CAPZB: variants seen among roughly 807,000 people sequenced by gnomAD.
The protein encoded by CAPZB is F-actin-capping protein subunit beta.
CAPZB carries 2 observed loss-of-function variants against 38.1 expected under a neutral mutation model. The ratio of observed to expected loss-of-function variants is 0.05; its 90% CI spans 0.02 to 0.17. CAPZB has a LOEUF of 0.17. Among genes scored for constraint, CAPZB ranks in the 10% least tolerant of loss-of-function variants. The pLI, the probability that CAPZB is intolerant of heterozygous loss-of-function variation, is 1.00. For missense variants in CAPZB, 161 were observed against 334.2 expected, an observed-to-expected ratio of 0.48 and a Z score of 4.04; for synonymous variants, 107 against 127.4, an observed-to-expected ratio of 0.84 and a Z score of 1.08.
In CAPZB at chr1:19,452,221, T is replaced by G. The variant is rs144693084; in HGVS notation, c.4-32471A>C. ...CTTCCTGCCAGGCTTCTGCATGTAC[T>G]ATTCCTTCTGCCTGGACTGCCACCC... On this transcript the variant is annotated intron_variant, in intron 1 of 8. Transcript: ENST00000264202. Among the ~76,000 whole-genome samples the G allele has an allele frequency of 4.3e-3, 661 of 152,156 alleles. 12 individuals are homozygous for G. The highest frequency in any genetic ancestry group is 0.015 in the African/African-American group (639 of 41,506).
intron 1 of CAPZB, among the ~76,000 whole-genome samples, chr1:19,441,796 T>G (rs1210895401): frequency 6.6e-6 from 1 of 151,408 alleles, no homozygotes; most frequent in Non-Finnish European, 1.5e-5. Flanking sequence ...TCACCTAAGG[T>G]CAGGAGTTCG....
chr1:19,342,998 G>C (rs888013064), intron 8 of CAPZB: 1 of 675,920 alleles, frequency 1.5e-6, no homozygotes, highest in Admixed American at 2.1e-5. Context: ...TGGCGGCTCT[G>C]GGGTGTGGAG....
At chr1:19,435,967 A>G (rs1262361198) in intron 1 of CAPZB, among the ~76,000 whole-genome samples, 2 of 152,184 alleles carry the variant, frequency 1.3e-5, no homozygotes, top group East Asian at 3.9e-4. Flanking sequence ...GGAAAGCAAG[A>G]TTGTCTGCAT....
At chr1:19,395,473 A>G (rs769947495) in intron 2 of CAPZB, among the ~76,000 whole-genome samples, 3 of 152,188 alleles carry the variant, frequency 2.0e-5, no homozygotes, top group Non-Finnish European at 4.4e-5. Context: ...CAAACCCCAA[A>G]GCTTTGCCCT....
intron 8 of CAPZB, among the ~76,000 whole-genome samples, chr1:19,339,841 G>T (rs2093918366): frequency 6.6e-6 from 1 of 152,220 alleles, no homozygotes; most frequent in Non-Finnish European, 1.5e-5. Context: ...CTGTGGGGGT[G>T]GCATATGGCT....
At chr1:19,472,175 C>T (rs1045155310) in intron 1 of CAPZB, among the ~76,000 whole-genome samples, 1 of 152,176 alleles carries the variant, frequency 6.6e-6, no homozygotes, top group African/African-American at 2.4e-5. Flanking sequence ...TAAGAAAATG[C>T]GAGGCCTGTT....
chr1:19,460,271 T>G (rs1175530973), intron 1 of CAPZB, among the ~76,000 whole-genome samples: 1 of 151,910 alleles, frequency 6.6e-6, no homozygotes, highest in African/African-American at 2.4e-5. Context: ...ACAGTATTGG[T>G]TTTTTGTTTG....
intron 1 of CAPZB, among the ~76,000 whole-genome samples, chr1:19,472,047 T>A (rs558923066): frequency 4.1e-4 from 63 of 152,270 alleles, no homozygotes; most frequent in African/African-American, 1.4e-3. Flanking sequence ...CCATGGGCCA[T>A]CAGCACACAG....
chr1:19,409,248 CCAGT>C (rs1408146489), intron 2 of CAPZB, among the ~76,000 whole-genome samples: 3 of 151,980 alleles, frequency 2.0e-5, no homozygotes, highest in African/African-American at 4.8e-5. Flanking sequence ...TGGATTTCTC[CCAGT>C]CAATCGCTGC....
At chr1:19,371,820 C>T (rs77461704) in intron 4 of CAPZB, among the ~76,000 whole-genome samples, 1,878 of 152,378 alleles carry the variant, frequency 0.012, 13 homozygotes, top group Non-Finnish European at 0.021. Flanking sequence ...TCAAGGACCC[C>T]GGAAATCAGG....
At chr1:19,450,144 C>CAAAAAAAAAAAAAAAAAAAAAAAAAA (rs71008167) in intron 1 of CAPZB, among the ~76,000 whole-genome samples, 6 of 35,448 alleles carry the variant, frequency 1.7e-4, no homozygotes, top group Admixed American at 4.0e-4. Context: ...ACCCTGTCTC[C>CAAAAAAAAAAAAAAAAAAAAAAAAAA]AAAAAAAAAA....
chr1:19,413,784 T>G (rs1227349864), intron 2 of CAPZB, among the ~76,000 whole-genome samples: 1 of 152,198 alleles, frequency 6.6e-6, no homozygotes, highest in Admixed American at 6.5e-5. Flanking sequence ...AGATCCTATC[T>G]GGCCTTCAAG....
intron 1 of CAPZB, among the ~76,000 whole-genome samples, chr1:19,476,569 C>G (rs916339389): frequency 2.0e-5 from 3 of 152,220 alleles, no homozygotes; most frequent in African/African-American, 7.2e-5. Flanking sequence ...GGAGGGCTGT[C>G]GCAATGATTA....
At chr1:19,393,975 C>T (rs1442825649) in intron 2 of CAPZB, among the ~76,000 whole-genome samples, 2 of 152,192 alleles carry the variant, frequency 1.3e-5, no homozygotes, top group South Asian at 2.1e-4. Context: ...TTTAAGAAGT[C>T]ACTTGGCGCT....
chr1:19,366,250 C>T (rs1273789735), intron 4 of CAPZB, among the ~76,000 whole-genome samples: 2 of 144,646 alleles, frequency 1.4e-5, no homozygotes, highest in African/African-American at 5.4e-5. Flanking sequence ...AGTTCAAGAC[C>T]AGCCTGGGCA....
intron 1 of CAPZB, among the ~76,000 whole-genome samples, chr1:19,478,351 C>T (rs2094614337): frequency 6.6e-6 from 1 of 152,236 alleles, no homozygotes; most frequent in East Asian, 1.9e-4. Flanking sequence ...AACACTCCTA[C>T]TGCACTTACA....
At position 19,484,460 on chromosome 1, in the gene CAPZB, C is replaced by G. The variant is rs1471118423; in HGVS notation, c.3+976G>C. 4.1e-6 allele frequency: 6 copies of G among 1,469,168 alleles called. No homozygotes were observed. In the Admixed American group the frequency reaches 1.1e-4, roughly 26 times the overall value. The allele number at this position is 1,469,168 out of a possible 1,614,324, so 91.0% of individuals were successfully genotyped here. On this transcript the variant is annotated intron_variant, in intron 1 of 8. Coordinates refer to ENST00000264202, the MANE Select transcript of CAPZB (RefSeq NM_004930.5). Reference sequence around the variant, plus strand: ...GCAGAATGCTTCGCACGCACAGCACCCACGGCGGCAGCCTCGAGAAGGGCC... The same window carrying G: ...GCAGAATGCTTCGCACGCACAGCACGCACGGCGGCAGCCTCGAGAAGGGCC...
chr1:19,474,424 C>T (rs943678853), intron 1 of CAPZB, among the ~76,000 whole-genome samples: 11 of 152,160 alleles, frequency 7.2e-5, no homozygotes, highest in Admixed American at 4.6e-4. Flanking sequence ...AGTTCATAAG[C>T]AGCCACAGTG....
Position 19,412,511 on chromosome 1 carries a change from G to A in CAPZB, c.93+7150C>T, listed in dbSNP as rs113410434. 2.9e-3 allele frequency among the ~76,000 whole-genome samples: 434 copies of A among 152,164 alleles called. 4 individuals carry two copies. Among genetic ancestry groups the A allele is most frequent in the African/African-American group, 0.01 (416 of 41,486 alleles). Reference sequence around the variant, plus strand: ...GTTGCCCAGGCTGGTCTTAAACTCTGGGTTCAAGCGATCCTTCCACCTCAG... The same window carrying A: ...GTTGCCCAGGCTGGTCTTAAACTCTAGGTTCAAGCGATCCTTCCACCTCAG... On this transcript the variant is annotated intron_variant, in intron 2 of 8. Transcript: ENST00000264202.
Sources: gnomAD v4.1 joint callset for allele counts (sites outside exome capture counted in the v4.1 genomes callset) on GRCh38, gnomAD v4.1.1 for gene constraint, MANE v1.5 for transcripts, NCBI Gene and HGNC (gene_info 2026-07-23, HGNC 2026-07-21) for gene names.